The following PDE1C variants were observed in gnomAD, a reference collection of about 807,000 sequenced individuals.
The protein encoded by PDE1C is dual specificity calcium/calmodulin-dependent 3',5'-cyclic nucleotide phosphodiesterase 1C.
Under a neutral mutation model 93.1 loss-of-function variants are expected in PDE1C, and 62 were observed. The ratio of observed to expected loss-of-function variants is 0.67; its 90% confidence interval spans 0.54 to 0.82. The LOEUF is 0.82. PDE1C is among the 40% of genes least tolerant of loss of function. The pLI is 0.00. For missense variants in PDE1C, 742 were observed against 884.6 expected, an observed-to-expected ratio of 0.84 and a Z score of 2.04; for synonymous variants, 325 against 310.1, an observed-to-expected ratio of 1.05 and a Z score of -0.50.
At chr7:31,685,421 TAGG>T in the PDE1C span, among the ~76,000 whole-genome samples, 1 of 152,240 alleles carries the variant, frequency 6.6e-6, no homozygotes, top group African/African-American at 2.4e-5. Flanking sequence ...TGCTTACGTA[TAGG>T]AGATCTCCCT....
intron 2 of PDE1C, among the ~76,000 whole-genome samples, chr7:32,031,895 G>C (rs1277446917): frequency 6.6e-6 from 1 of 152,116 alleles, no homozygotes. Flanking sequence ...CCACAGGTTT[G>C]TACCGCAGGA....
At chr7:31,802,716 A>C (rs1381147403) in intron 16 of PDE1C, among the ~76,000 whole-genome samples, 1 of 151,444 alleles carries the variant, frequency 6.6e-6, no homozygotes, top group East Asian at 2.0e-4. Context: ...TTTTCCTTTC[A>C]TTAATTAAAA....
chr7:32,047,267 G>A (rs548025965), intron 2 of PDE1C, among the ~76,000 whole-genome samples: 8 of 152,232 alleles, frequency 5.3e-5, no homozygotes, highest in Admixed American at 4.6e-4. Flanking sequence ...AACCGGATGA[G>A]ACATTTATGA....
intron 3 of PDE1C, among the ~76,000 whole-genome samples, chr7:32,145,294 T>G (rs903985722): frequency 6.6e-6 from 1 of 152,144 alleles, no homozygotes; most frequent in African/African-American, 2.4e-5. Flanking sequence ...ACAGAGGTAT[T>G]GCGCAGGACA....
chr7:32,355,543 C>G (rs1784014564), intron 1 of PDE1C, among the ~76,000 whole-genome samples: 1 of 152,190 alleles, frequency 6.6e-6, no homozygotes, highest in Non-Finnish European at 1.5e-5. Context: ...CTGCTTCCCC[C>G]CAAATCCTAT....
At chr7:32,187,376 G>A (rs117827308) in intron 2 of PDE1C, among the ~76,000 whole-genome samples, 134 of 152,102 alleles carry the variant, frequency 8.8e-4, no homozygotes, top group Non-Finnish European at 1.2e-3. Context: ...ACTTAATAGT[G>A]TCCACTTACT....
intron 2 of PDE1C, among the ~76,000 whole-genome samples, chr7:31,899,656 C>T (rs1383939119): frequency 6.6e-6 from 1 of 152,092 alleles, no homozygotes; most frequent in Admixed American, 6.6e-5. Context: ...GAGGCTTCCA[C>T]GTGCGGGAGA....
chr7:31,774,104 C>T (rs1795676120), intron 17 of PDE1C, among the ~76,000 whole-genome samples: 1 of 151,548 alleles, frequency 6.6e-6, no homozygotes, highest in African/African-American at 2.4e-5. Flanking sequence ...TAAAATGCCA[C>T]TAATTGTAAA....
chr7:32,400,219 C>G (rs1014749627), intron 1 of PDE1C, among the ~76,000 whole-genome samples: 1 of 152,122 alleles, frequency 6.6e-6, no homozygotes, highest in Non-Finnish European at 1.5e-5. Context: ...AGATTTATAC[C>G]ACAGTGCCTG....
At chr7:31,837,081 A>T in intron 11 of PDE1C, 99 bp downstream of exon 11, 1 of 1,225,812 alleles carries the variant, frequency 8.2e-7, no homozygotes, top group Non-Finnish European at 1.1e-6. Context: ...CTCCAAAATT[A>T]CTGTAATCTC....
intron 1 of PDE1C, among the ~76,000 whole-genome samples, chr7:32,217,526 G>T (rs967308392): frequency 6.6e-6 from 1 of 152,210 alleles, no homozygotes; most frequent in African/African-American, 2.4e-5. Flanking sequence ...AGCTTAAAAT[G>T]TATAAATGCA....
chr7:32,131,319 TC>T lies in PDE1C; in HGVS notation c.308+38465del, dbSNP rs530170666. ...ATTTTTGAATATCTGATTCTACTAGTCTGAAAACACAAGGTCTGTATTTAAT... is the reference window on the plus strand; with the variant it reads ...ATTTTTGAATATCTGATTCTACTAGTTGAAAACACAAGGTCTGTATTTAAT... On this transcript the variant is annotated intron_variant, in intron 3 of 18. Coordinates refer to the PDE1C transcript ENST00000396193. 3.5e-4 allele frequency among the ~76,000 whole-genome samples: 54 copies of T among 152,252 alleles called. No individual in the cohort carries two copies. In the South Asian group the frequency reaches 0.011, roughly 30 times the overall value.
chr7:32,206,437 T>C (rs1805538422), intron 2 of PDE1C, among the ~76,000 whole-genome samples: 2 of 152,016 alleles, frequency 1.3e-5, no homozygotes, highest in Non-Finnish European at 1.5e-5. Context: ...AGAGGAGGGT[T>C]TTTAGGGCCT....
chr7:32,274,042 AG>A (rs1811133237), intron 1 of PDE1C, among the ~76,000 whole-genome samples: 2 of 152,262 alleles, frequency 1.3e-5, no homozygotes, highest in Non-Finnish European at 1.5e-5. Context: ...ACAGCAGGAA[AG>A]CTTGAAGATA....
chr7:32,207,972 A>G (rs1805722276), intron 2 of PDE1C, among the ~76,000 whole-genome samples: 2 of 152,224 alleles, frequency 1.3e-5, no homozygotes, highest in Admixed American at 1.3e-4. Context: ...ACTGCTCAGG[A>G]GATGAAGAAA....
chr7:32,215,377 G>T (rs1171466412), intron 1 of PDE1C, among the ~76,000 whole-genome samples: 7 of 152,136 alleles, frequency 4.6e-5, no homozygotes, highest in African/African-American at 1.4e-4. Context: ...GGTCCCTGGT[G>T]CCATAAAGGT....
intron 14 of PDE1C, 73 bp downstream of exon 14, chr7:31,823,000 G>A (rs1789167391): frequency 7.9e-7 from 1 of 1,273,452 alleles, no homozygotes. Flanking sequence ...TGCTTTATTT[G>A]TAACACACAT....
intron 3 of PDE1C, among the ~76,000 whole-genome samples, chr7:32,112,358 C>T (rs1413481543): frequency 6.6e-6 from 1 of 152,050 alleles, no homozygotes; most frequent in Non-Finnish European, 1.5e-5. Context: ...GATAAATGAT[C>T]CAACTTCATT....
chr7:31,952,009 T>C (rs1431145861), intron 2 of PDE1C, among the ~76,000 whole-genome samples: 1 of 152,228 alleles, frequency 6.6e-6, no homozygotes, highest in Non-Finnish European at 1.5e-5. Context: ...CCAGGAACTG[T>C]ACTAAGTACT....
Sources: allele counts gnomAD v4.1 joint callset (sites outside exome capture counted in the v4.1 genomes callset), GRCh38; gene constraint gnomAD v4.1.1; transcripts MANE v1.5; gene names NCBI Gene and HGNC (gene_info 2026-07-23, HGNC 2026-07-21).